Variants in SLC4A4 observed in about 807,000 individuals in gnomAD.
The protein encoded by SLC4A4 is solute carrier family 4 member 4.
Under a neutral mutation model 111.5 loss-of-function variants are expected in SLC4A4, and 27 were observed. The ratio of observed to expected loss-of-function variants is 0.24; its 90% CI spans 0.18 to 0.33. The LOEUF (loss-of-function observed/expected upper bound fraction) is 0.33. Ranked by LOEUF, SLC4A4 falls within the 10% of genes least tolerant of loss-of-function variation. SLC4A4 has a pLI of 1.00. For missense variants in SLC4A4, 909 were observed against 1,315.5 expected, an observed-to-expected ratio of 0.69 and a Z score of 4.78; for synonymous variants, 443 against 463.4, an observed-to-expected ratio of 0.96 and a Z score of 0.57.
intron 4 of SLC4A4, among the ~76,000 whole-genome samples, chr4:71,348,519 GAGA>G (rs1454047490): frequency 1.3e-5 from 2 of 152,152 alleles, no homozygotes; most frequent in African/African-American, 4.8e-5. Flanking sequence ...AGGATACAGG[GAGA>G]AGAAGGAGGG....
chr4:71,246,710 A>G (rs1720682682), intron 2 of SLC4A4, among the ~76,000 whole-genome samples: 2 of 150,984 alleles, frequency 1.3e-5, no homozygotes, highest in African/African-American at 2.4e-5. Flanking sequence ...AATAATTACT[A>G]ACTTGAAAGG....
At position 71,450,129 on chromosome 4, in the gene SLC4A4, A is replaced by G. The variant is rs375385621; in HGVS notation, c.1054-260A>G. On this transcript the variant is annotated intron_variant, in intron 9 of 25. Coordinates refer to ENST00000264485, the MANE Select transcript of SLC4A4 (RefSeq NM_001098484.3). ...ACATACCAGTGGGAGCTGAAAGGCA[A>G]TGTTGTTTTATATTATTGGTAGGAA... 2.0e-5 allele frequency among the ~76,000 whole-genome samples: 3 copies of G among 152,312 alleles called. No individual in the cohort carries two copies. The East Asian group carries it at 5.8e-4, about 29-fold the overall frequency.
chr4:71,068,704 G>C (rs1741595217), intron 1 of SLC4A4, among the ~76,000 whole-genome samples: 1 of 152,022 alleles, frequency 6.6e-6, no homozygotes, highest in African/African-American at 2.4e-5. Context: ...TGAGACTACA[G>C]GTATGCGCCA....
At chr4:71,302,660 T>C (rs1305574163) in intron 3 of SLC4A4, among the ~76,000 whole-genome samples, 2 of 152,314 alleles carry the variant, frequency 1.3e-5, no homozygotes, top group East Asian at 1.9e-4. Context: ...AGGTCTTGAA[T>C]GTGTAGTTTT....
chr4:71,523,737 T>A (rs1733167944), intron 16 of SLC4A4, among the ~76,000 whole-genome samples: 1 of 152,148 alleles, frequency 6.6e-6, no homozygotes, highest in East Asian at 1.9e-4. Context: ...GACTGATTAA[T>A]TATTATTTTT....
intron 13 of SLC4A4, among the ~76,000 whole-genome samples, chr4:71,469,848 G>C (rs899476112): frequency 6.6e-6 from 1 of 151,856 alleles, no homozygotes; most frequent in Non-Finnish European, 1.5e-5. Flanking sequence ...AGCTAGTTTA[G>C]CATATTGTTT....
chr4:71,379,045 A>G (rs1717825618), intron 6 of SLC4A4, among the ~76,000 whole-genome samples: 1 of 152,082 alleles, frequency 6.6e-6, no homozygotes, highest in Non-Finnish European at 1.5e-5. Context: ...TTTTATCATC[A>G]TCTCTTGTGG....
In SLC4A4 at chr4:71,472,810, A is replaced by C. The variant is rs778806783; in HGVS notation, c.1743A>C (p.Thr581=). ...TDASFLVQYF[T]RFTEEGFSSL... ...CCAGCTTCTTGGTTCAATACTTCAC[A>C]CGTTTCACGGAGGAGGGCTTTTCCT... Residue 581 remains threonine, a synonymous_variant, in exon 14 of 26, where the codon ACA becomes ACC. Transcript: ENST00000264485. The C allele has an allele frequency of 3.7e-6, 6 of 1,612,626 alleles. No individual in the cohort carries two copies. In the African/African-American group the frequency reaches 8.0e-5, roughly 22 times the overall value.
chr4:71,217,595 C>T (rs946896602), intron 1 of SLC4A4, among the ~76,000 whole-genome samples: 4 of 151,978 alleles, frequency 2.6e-5, no homozygotes, highest in South Asian at 2.1e-4. Context: ...CCACCAACAA[C>T]GAAATGGCAT....
Position 71,421,102 on chromosome 4 carries a change from A to G in SLC4A4, c.808-19514A>G, listed in dbSNP as rs550681988. On this transcript the variant is annotated intron_variant, in intron 7 of 25. Coordinates refer to ENST00000264485, the MANE Select transcript of SLC4A4 (RefSeq NM_001098484.3). Reference sequence around the variant, plus strand: ...TATTCAGGAAACCCATCTCACGTGCAGAGACACACATAGGCTCAAAATAAA... The same window carrying G: ...TATTCAGGAAACCCATCTCACGTGCGGAGACACACATAGGCTCAAAATAAA... 9.6e-3 allele frequency among the ~76,000 whole-genome samples: 1,449 copies of G among 150,240 alleles called. 22 individuals carry two copies. Among genetic ancestry groups the G allele is most frequent in the African/African-American group, 0.032 (1,314 of 40,900 alleles).
intron 18 of SLC4A4, among the ~76,000 whole-genome samples, chr4:71,535,853 A>G (rs1387810249): frequency 1.9e-4 from 3 of 15,808 alleles, no homozygotes; most frequent in Non-Finnish European, 4.8e-4. Flanking sequence ...AGAGTAAAAC[A>G]AACAAACAAA....
chr4:71,284,982 A>G (rs1723798127), intron 3 of SLC4A4, among the ~76,000 whole-genome samples: 1 of 152,088 alleles, frequency 6.6e-6, no homozygotes, highest in Non-Finnish European at 1.5e-5. Context: ...TATTCCTTAG[A>G]GTGAGCTTTC....
chr4:71,097,733 T>G (rs1255710066), intron 2 of SLC4A4, among the ~76,000 whole-genome samples: 1 of 152,096 alleles, frequency 6.6e-6, no homozygotes, highest in Non-Finnish European at 1.5e-5. Flanking sequence ...TGGTGTAAGG[T>G]GGTATTTCAT....
chr4:71,364,808 C>G (rs1731101741), intron 6 of SLC4A4, among the ~76,000 whole-genome samples: 1 of 152,182 alleles, frequency 6.6e-6, no homozygotes, highest in African/African-American at 2.4e-5. Flanking sequence ...AATTTAGTGA[C>G]TTTCAGCTTT....
At chr4:71,563,294 C>A (rs557306528) in intron 23 of SLC4A4, among the ~76,000 whole-genome samples, 2 of 151,874 alleles carry the variant, frequency 1.3e-5, no homozygotes, top group East Asian at 3.9e-4. Context: ...AGTTTATTTT[C>A]TAGTGTACAT....
chr4:71,460,620 A>G (rs1249452746), intron 12 of SLC4A4, among the ~76,000 whole-genome samples: 1 of 152,162 alleles, frequency 6.6e-6, no homozygotes, highest in Non-Finnish European at 1.5e-5. Context: ...CAGGACAGAA[A>G]TCACTGATTT....
chr4:71,196,716 C>G (rs894122367), intron 1 of SLC4A4, among the ~76,000 whole-genome samples: 2 of 151,100 alleles, frequency 1.3e-5, no homozygotes, highest in African/African-American at 4.9e-5. Context: ...CTCCTATAGT[C>G]CCAGCTACTT....
chr4:71,402,846 T>C (rs1720491677), intron 7 of SLC4A4, among the ~76,000 whole-genome samples: 1 of 152,184 alleles, frequency 6.6e-6, no homozygotes, highest in South Asian at 2.1e-4. Flanking sequence ...CTTAGATAAT[T>C]AACAAAACAT....
chr4:71,156,576 G>GCA (rs1744474046), intron 2 of SLC4A4, among the ~76,000 whole-genome samples: 3 of 96,792 alleles, frequency 3.1e-5, no homozygotes, highest in South Asian at 5.5e-4. Flanking sequence ...GCGCGCATGC[G>GCA]CGCGCGCGCG....
Sources: gnomAD v4.1 joint callset for allele counts (sites outside exome capture counted in the v4.1 genomes callset) on GRCh38, gnomAD v4.1.1 for gene constraint, MANE v1.5 for transcripts, NCBI Gene and HGNC (gene_info 2026-07-23, HGNC 2026-07-21) for gene names.